NTM: variants seen among roughly 807,000 people sequenced by gnomAD.
The protein encoded by NTM is neurotrimin.
NTM carries 13 observed loss-of-function variants against 42.1 expected under a neutral mutation model. The observed-to-expected ratio is 0.31, with a 90% CI of 0.20 to 0.49. The LOEUF (loss-of-function observed/expected upper bound fraction) is 0.49. NTM is among the 20% of genes least tolerant of loss of function. NTM has a pLI of 0.99. For missense variants in NTM, 373 were observed against 452.8 expected, an observed-to-expected ratio of 0.82 and a Z score of 1.60; for synonymous variants, 187 against 179.2, an observed-to-expected ratio of 1.04 and a Z score of -0.35.
chr11:132,145,325 A>G (rs2070141962), intron 2 of NTM, among the ~76,000 whole-genome samples: 1 of 152,376 alleles, frequency 6.6e-6, no homozygotes, highest in South Asian at 2.1e-4. Flanking sequence ...ACTGCAAAAT[A>G]ATGTATACAT....
intron 1 of NTM, among the ~76,000 whole-genome samples, chr11:131,709,923 G>C (rs2135279086): frequency 6.6e-6 from 1 of 152,258 alleles, no homozygotes; most frequent in African/African-American, 2.4e-5. Flanking sequence ...CAAAACAGGA[G>C]AGTGTGCTAT....
chr11:131,703,618 C>A (rs1375858915), intron 1 of NTM, among the ~76,000 whole-genome samples: 2 of 152,206 alleles, frequency 1.3e-5, no homozygotes, highest in Admixed American at 1.3e-4. Context: ...AATGCACACA[C>A]AAAAACACTT....
rs371126585 is a variant in NTM at position 131,917,843 on chromosome 11, A to T, written c.167+6195A>T. 1.5e-3 allele frequency among the ~76,000 whole-genome samples: 229 copies of T among 152,270 alleles called. 3 individuals carry two copies. In the South Asian group the frequency reaches 0.043, roughly 29 times the overall value. ...CAGGCACAGATGGGACCAAGGAGGG[A>T]GGCTCCTGGAAGCACATTCAGCTGT... On this transcript the variant is annotated intron_variant, in intron 2 of 8. Coordinates refer to ENST00000683400, the MANE Select transcript of NTM (RefSeq NM_001352005.2).
intron 1 of NTM, among the ~76,000 whole-genome samples, chr11:131,886,886 A>C (rs991195461): frequency 3.3e-5 from 5 of 152,184 alleles, no homozygotes; most frequent in African/African-American, 1.2e-4. Flanking sequence ...TCATTGATAG[A>C]GTGCCTACTG....
chr11:132,022,482 A>G (rs1384641760), intron 2 of NTM, among the ~76,000 whole-genome samples: 1 of 151,920 alleles, frequency 6.6e-6, no homozygotes, highest in African/African-American at 2.4e-5. Context: ...TTGTAAGTAC[A>G]CTCTTAGTCC....
intron 4 of NTM, among the ~76,000 whole-genome samples, chr11:132,265,121 T>C (rs1162081777): frequency 6.6e-6 from 1 of 152,202 alleles, no homozygotes; most frequent in Non-Finnish European, 1.5e-5. Flanking sequence ...GAGCAAATAA[T>C]TTTCACTTTT....
chr11:131,455,148 G>A (rs2136071916), intron 1 of NTM, among the ~76,000 whole-genome samples: 1 of 152,356 alleles, frequency 6.6e-6, no homozygotes, highest in Admixed American at 6.5e-5. Flanking sequence ...AGCTGGGCCA[G>A]TAAAAGCATC....
chr11:132,180,388 A>G (rs1267128188), intron 3 of NTM, among the ~76,000 whole-genome samples: 6 of 152,174 alleles, frequency 3.9e-5, no homozygotes, highest in South Asian at 2.1e-4. Flanking sequence ...AGATTAGCCA[A>G]GAAGTAAAGC....
At chr11:132,149,695 C>A (rs373516467) in intron 3 of NTM, among the ~76,000 whole-genome samples, 1 of 152,052 alleles carries the variant, frequency 6.6e-6, no homozygotes, top group Admixed American at 6.5e-5. Flanking sequence ...GAGGCCAAGG[C>A]GACCACATGG....
At chr11:132,310,277 G>T in intron 6 of NTM, 45 bp downstream of exon 6, 1 of 1,521,526 alleles carries the variant, frequency 6.6e-7, no homozygotes, top group Non-Finnish European at 8.8e-7. Flanking sequence ...CCCATCTCCA[G>T]GAGAAACTTT....
chr11:131,602,626 C>T (rs1180340685), intron 1 of NTM, among the ~76,000 whole-genome samples: 1 of 152,172 alleles, frequency 6.6e-6, no homozygotes, highest in African/African-American at 2.4e-5. Context: ...ATGTTAATGA[C>T]TCTCAAATTT....
chr11:131,554,755 T>C (rs1358415656), intron 1 of NTM, among the ~76,000 whole-genome samples: 1 of 152,170 alleles, frequency 6.6e-6, no homozygotes, highest in Non-Finnish European at 1.5e-5. Context: ...ACAATGTTTT[T>C]TGAAATCACC....
At chr11:131,955,246 G>A (rs1434957649) in intron 2 of NTM, among the ~76,000 whole-genome samples, 1 of 152,130 alleles carries the variant, frequency 6.6e-6, no homozygotes, top group Non-Finnish European at 1.5e-5. Flanking sequence ...GTTTAGGTTT[G>A]CTGCTTGATA....
Position 131,474,769 on chromosome 11 carries a change from C to A in NTM, c.82+103881C>A, listed in dbSNP as rs535372395. On this transcript the variant is annotated intron_variant, in intron 1 of 8. Coordinates refer to ENST00000683400, the MANE Select transcript of NTM (RefSeq NM_001352005.2). ...TCTTAGTTATAGGGTATCATTATATCCTTCTTGGACTATCGCAATAGCCCC... is the reference window on the plus strand; with the variant it reads ...TCTTAGTTATAGGGTATCATTATATACTTCTTGGACTATCGCAATAGCCCC... Among the ~76,000 whole-genome samples the A allele has an allele frequency of 3.9e-5, 6 of 152,102 alleles. No individual in the cohort carries two copies. In the South Asian group the frequency reaches 6.2e-4, roughly 16 times the overall value.
At position 131,466,417 on chromosome 11, in the gene NTM, G is replaced by A. The variant is rs563425482; in HGVS notation, c.82+95529G>A. Reference sequence around the variant, plus strand: ...AGAGCTAAGGAAACTTGGACTGTAAGCATTTAAGTAACCTGATCTAAGATG... The same window carrying A: ...AGAGCTAAGGAAACTTGGACTGTAAACATTTAAGTAACCTGATCTAAGATG... On this transcript the variant is annotated intron_variant, in intron 1 of 8. Transcript: ENST00000683400. Among the ~76,000 whole-genome samples, 6 of 152,306 alleles carry A rather than the reference G, an allele frequency of 3.9e-5. No homozygotes were observed. The South Asian group carries it at 1.2e-3, about 32-fold the overall frequency.
intron 2 of NTM, among the ~76,000 whole-genome samples, chr11:132,058,344 G>A (rs1013806194): frequency 6.6e-6 from 1 of 152,188 alleles, no homozygotes; most frequent in Admixed American, 6.5e-5. Context: ...GGTCCTGGCT[G>A]TGGTGAGTCC....
At chr11:131,834,642 A>ATATATATATATATATATATATATATG in intron 1 of NTM, among the ~76,000 whole-genome samples, 2 of 147,458 alleles carry the variant, frequency 1.4e-5, no homozygotes, top group Admixed American at 6.8e-5. Flanking sequence ...ATATATATAT[A>ATATATATATATATATATATATATATG]TATGTATAAT....
intron 2 of NTM, among the ~76,000 whole-genome samples, chr11:131,912,990 A>C (rs1230147024): frequency 6.6e-6 from 1 of 152,172 alleles, no homozygotes; most frequent in African/African-American, 2.4e-5. Context: ...GGCAAAGCTT[A>C]ACCTCATGGC....
At chr11:131,390,972 ACGCCCAGTCCCAGGT>A (rs1429213373) in intron 1 of NTM, among the ~76,000 whole-genome samples, 12 of 152,186 alleles carry the variant, frequency 7.9e-5, no homozygotes, top group African/African-American at 2.6e-4. Flanking sequence ...GTGAACTACT[ACGCCCAGTCCCAGGT>A]GAGGTCCTGG....
Sources: allele counts gnomAD v4.1 joint callset (sites outside exome capture counted in the v4.1 genomes callset), GRCh38; gene constraint gnomAD v4.1.1; transcripts MANE v1.5; gene names NCBI Gene and HGNC (gene_info 2026-07-23, HGNC 2026-07-21).